PRKCI: variants seen among roughly 807,000 people sequenced by gnomAD.
The protein encoded by PRKCI is protein kinase C iota, also known as protein kinase C iota type.
Under a neutral mutation model 84.0 loss-of-function variants are expected in PRKCI, and 43 were observed. The ratio of observed to expected loss-of-function variants is 0.51; its 90% CI spans 0.40 to 0.66. The LOEUF is 0.66. Among genes scored for constraint, PRKCI ranks in the 30% least tolerant of loss-of-function variants. The probability of loss-of-function intolerance (pLI) is 0.00; values close to 1 mark genes in which losing one functional copy is unlikely to be tolerated. For synonymous variants in PRKCI, 216 were observed against 234.4 expected, an observed-to-expected ratio of 0.92 and a Z score of 0.72; for missense variants, 459 against 745.6, an observed-to-expected ratio of 0.62 and a Z score of 4.48.
intron 2 of PRKCI, among the ~76,000 whole-genome samples, chr3:170,238,075 A>G (rs545323974): frequency 6.6e-6 from 1 of 152,308 alleles, no homozygotes; most frequent in Non-Finnish European, 1.5e-5. Context: ...AAAAAAAATT[A>G]TATGGGGCCG....
intron 6 of PRKCI, among the ~76,000 whole-genome samples, chr3:170,271,834 C>A (rs1421495186): frequency 1.3e-5 from 2 of 152,012 alleles, no homozygotes; most frequent in Non-Finnish European, 2.9e-5. Context: ...TTGCCTGTGT[C>A]TTTTTTGTTA....
rs34674664 is a variant in PRKCI, at chr3:170,286,485, C to CTTTT, written c.1203+1908_1203+1911dup. On this transcript the variant is annotated intron_variant, in intron 12 of 17. Coordinates refer to ENST00000295797, the MANE Select transcript of PRKCI (RefSeq NM_002740.6). ...AAGTGCACAAATTAAAACAATGAGG[C>CTTTT]TTTTTTTTTTTTTTTTTTTTTTGCC... is the stretch of plus-strand genomic sequence containing the variant. Among the ~76,000 whole-genome samples the CTTTT allele has an allele frequency of 9.0e-4, 59 of 65,584 alleles. 2 individuals are homozygous for CTTTT. Among genetic ancestry groups the CTTTT allele is most frequent in the Non-Finnish European group, 1.1e-3 (40 of 36,950 alleles). 43.0% of individuals were successfully genotyped at this position (65,584 alleles called of 152,430 possible).
At chr3:170,223,287 C>T (rs969952001) in intron 1 of PRKCI, among the ~76,000 whole-genome samples, 1 of 152,104 alleles carries the variant, frequency 6.6e-6, no homozygotes, top group African/African-American at 2.4e-5. Flanking sequence ...TCTGCACTGC[C>T]AGTATATTAG....
chr3:170,270,837 A>G (rs892028316), intron 6 of PRKCI, among the ~76,000 whole-genome samples: 2 of 152,110 alleles, frequency 1.3e-5, no homozygotes, highest in African/African-American at 4.8e-5. Flanking sequence ...AGAACCATTT[A>G]AGAGTTTTTT....
chr3:170,239,753 T>C (rs1412950154), intron 2 of PRKCI, among the ~76,000 whole-genome samples: 1 of 151,978 alleles, frequency 6.6e-6, no homozygotes, highest in East Asian at 1.9e-4. Flanking sequence ...TTTTTTTTTT[T>C]TGTATGGTAG....
At chr3:170,271,315 T>G (rs1240266674) in intron 6 of PRKCI, among the ~76,000 whole-genome samples, 1 of 152,200 alleles carries the variant, frequency 6.6e-6, no homozygotes, top group Non-Finnish European at 1.5e-5. Context: ...CCCCATTCAC[T>G]TAACTTCCCC....
intron 2 of PRKCI, among the ~76,000 whole-genome samples, chr3:170,259,192 A>G (rs755259742): frequency 2.6e-5 from 4 of 152,120 alleles, no homozygotes; most frequent in Non-Finnish European, 5.9e-5. Flanking sequence ...TGTTTGCTGT[A>G]TTTGGGATAT....
At chr3:170,260,542 A>T (rs948436326) in intron 3 of PRKCI, among the ~76,000 whole-genome samples, 20 of 151,616 alleles carry the variant, frequency 1.3e-4, no homozygotes, top group African/African-American at 4.4e-4. Flanking sequence ...GCCCACTGCA[A>T]CCTCTGCCTC....
intron 14 of PRKCI, among the ~76,000 whole-genome samples, chr3:170,293,722 G>A (rs1221739334): frequency 4.6e-5 from 7 of 151,984 alleles, no homozygotes; most frequent in South Asian, 4.2e-4. Context: ...GCGCAATCTC[G>A]GCTCCATGCA....
chr3:170,222,642 T>C lies in PRKCI; in HGVS notation c.-28T>C. The C allele has an allele frequency of 6.5e-7, 1 of 1,540,494 alleles. No homozygotes were observed. The highest frequency in any genetic ancestry group is 8.7e-7 in the Non-Finnish European group (1 of 1,143,128). On this transcript the variant is annotated 5_prime_UTR_variant, in exon 1 of 18. Transcript: ENST00000295797. ...GAAGCGCCCCCCCGCACCCCCGGCCTCCAGCGTTGAGGCGGGGGAGTGAGG... is the reference window on the plus strand; with the variant it reads ...GAAGCGCCCCCCCGCACCCCCGGCCCCCAGCGTTGAGGCGGGGGAGTGAGG...
At chr3:170,249,804 A>T (rs1733393857) in intron 2 of PRKCI, among the ~76,000 whole-genome samples, 1 of 152,086 alleles carries the variant, frequency 6.6e-6, no homozygotes, top group Non-Finnish European at 1.5e-5. Context: ...CTCAGAAAAA[A>T]AAAAAAAAAT....
chr3:170,240,547 AT>A, intron 2 of PRKCI, among the ~76,000 whole-genome samples: 1 of 152,166 alleles, frequency 6.6e-6, no homozygotes, highest in Non-Finnish European at 1.5e-5. Flanking sequence ...TCTTTTCTTA[AT>A]TTTAGGCATA....
Position 170,284,482 on chromosome 3 carries a change from T to C in PRKCI, c.1089T>C (p.Ser363=), listed in dbSNP as rs1273575924. 3.2e-6 allele frequency: 5 copies of C among 1,586,930 alleles called. No homozygotes were observed. In the Admixed American group the frequency reaches 8.4e-5, roughly 27 times the overall value. Residue 363 remains serine, a synonymous_variant, in exon 12 of 18, where the codon AGT becomes AGC. Transcript: ENST00000295797. ...EHARFYSAEI[S]LALNYLHERG... ...TTAGATTTTACTCTGCAGAAATCAG[T>C]CTAGCATTAAATTATCTTCATGAGC...
chr3:170,259,533 G>T (rs1278573648), intron 2 of PRKCI, among the ~76,000 whole-genome samples: 1 of 152,094 alleles, frequency 6.6e-6, no homozygotes, highest in Non-Finnish European at 1.5e-5. Flanking sequence ...CTTAGGCCAG[G>T]CACGGTGCTT....
chr3:170,224,845 TATTA>T (rs1732588730), intron 1 of PRKCI, among the ~76,000 whole-genome samples: 2 of 152,192 alleles, frequency 1.3e-5, no homozygotes, highest in South Asian at 4.1e-4. Flanking sequence ...AATAAATTCT[TATTA>T]ATTGAGATCA....
intron 3 of PRKCI, among the ~76,000 whole-genome samples, chr3:170,262,789 T>C (rs1392113399): frequency 6.6e-6 from 1 of 152,056 alleles, no homozygotes; most frequent in Non-Finnish European, 1.5e-5. Flanking sequence ...TAATGCATTG[T>C]TTATAGACAT....
chr3:170,296,115 C>T, intron 15 of PRKCI, 125 bp downstream of exon 15: 1 of 472,218 alleles, frequency 2.1e-6, no homozygotes, highest in Non-Finnish European at 3.7e-6. Context: ...CAGTTTGACC[C>T]AGAATTTGTC....
At chr3:170,252,160 G>A (rs568857014) in intron 2 of PRKCI, among the ~76,000 whole-genome samples, 17 of 151,540 alleles carry the variant, frequency 1.1e-4, no homozygotes, top group Non-Finnish European at 2.2e-4. Flanking sequence ...CTTGCAGTGA[G>A]CCGAGATTGC....
intron 2 of PRKCI, among the ~76,000 whole-genome samples, chr3:170,239,219 A>G (rs1000493075): frequency 6.6e-6 from 1 of 152,194 alleles, no homozygotes; most frequent in African/African-American, 2.4e-5. Flanking sequence ...TGGTATTTCA[A>G]ATTTTGCATT....
Sources: allele counts gnomAD v4.1 joint callset (sites outside exome capture counted in the v4.1 genomes callset), GRCh38; gene constraint gnomAD v4.1.1; transcripts MANE v1.5; gene names NCBI Gene and HGNC (gene_info 2026-07-23, HGNC 2026-07-21).